HOMER1: variants seen among roughly 807,000 people sequenced by gnomAD.
HOMER1 encodes the protein homer protein homolog 1.
A neutral mutation model predicts 48.9 loss-of-function variants in HOMER1; 3 were observed. The observed-to-expected ratio is 0.06, with a 90% CI of 0.03 to 0.16. The LOEUF (loss-of-function observed/expected upper bound fraction) is 0.16. HOMER1 is among the 10% of genes least tolerant of loss of function. The pLI is 1.00. For missense variants in HOMER1, 247 were observed against 411.4 expected, an observed-to-expected ratio of 0.60 and a Z score of 3.46; for synonymous variants, 134 against 146.4, an observed-to-expected ratio of 0.92 and a Z score of 0.61.
chr5:79,498,785 C>T (rs1020324264), intron 1 of HOMER1, among the ~76,000 whole-genome samples: 3 of 151,126 alleles, frequency 2.0e-5, no homozygotes, highest in African/African-American at 7.3e-5. Flanking sequence ...CGGGATGATT[C>T]AGAAATTGTA....
In HOMER1 at chr5:79,456,927, T is replaced by C. The variant is rs369841835; in HGVS notation, c.97A>G (p.Thr33Ala). The change falls in exon 2 of 9, where the codon ACT becomes GCT. Residue 33 changes from threonine to alanine, a missense_variant. By Grantham distance (58) the Thr-to-Ala change is moderately conservative. Coordinates refer to ENST00000334082, the MANE Select transcript of HOMER1 (RefSeq NM_004272.5). ...GTGCTGTCATAGAAATAAGACACAG[T>C]AACTGCATGCTTGCTGGTGGGTACC... ...NWVPTSKHAV[T>A]VSYFYDSTRN... 3 of 1,613,774 alleles carry C rather than the reference T, an allele frequency of 1.9e-6. No homozygotes were observed. The highest frequency in any genetic ancestry group is 2.5e-6 in the Non-Finnish European group (3 of 1,179,778).
chr5:79,386,954 TCTTC>T (rs1253993122), intron 8 of HOMER1, among the ~76,000 whole-genome samples: 27 of 112,394 alleles, frequency 2.4e-4, no homozygotes, highest in Admixed American at 5.6e-4. Context: ...TCCTTTCCTT[TCTTC>T]CTTCCCTTCC....
At chr5:79,434,650 C>G (rs10942888) in intron 5 of HOMER1, among the ~76,000 whole-genome samples, 38,659 of 151,986 alleles carry the variant, frequency 0.25, 6,041 homozygotes, top group East Asian at 0.75. Context: ...CTCATGATCT[C>G]CCTTTTTTAC....
chr5:79,510,920 G>A (rs1720383265), intron 1 of HOMER1: 1 of 622,140 alleles, frequency 1.6e-6, no homozygotes, highest in African/African-American at 1.8e-5. Flanking sequence ...GCCAACGTGA[G>A]GACAGGACTG....
At chr5:79,432,497 C>T (rs1230028143) in intron 5 of HOMER1, among the ~76,000 whole-genome samples, 2 of 152,070 alleles carry the variant, frequency 1.3e-5, no homozygotes, top group Non-Finnish European at 2.9e-5. Flanking sequence ...GGTCTAATCG[C>T]CATTGGAGGT....
intron 1 of HOMER1, among the ~76,000 whole-genome samples, chr5:79,493,665 C>T (rs552755964): frequency 6.6e-6 from 1 of 152,318 alleles, no homozygotes; most frequent in South Asian, 2.1e-4. Context: ...AAGGTTAACT[C>T]CTCCATCTGT....
At chr5:79,402,171 T>TC (rs1749550711) in intron 5 of HOMER1, 116 bp from the exon 6 acceptor site, 1 of 763,236 alleles carries the variant, frequency 1.3e-6, no homozygotes, top group Non-Finnish European at 1.9e-6. Flanking sequence ...TTCTTTTCTT[T>TC]TTTTTTTTTT....
intron 5 of HOMER1, among the ~76,000 whole-genome samples, chr5:79,422,640 A>G (rs1750133338): frequency 1.3e-5 from 2 of 152,022 alleles, no homozygotes; most frequent in African/African-American, 4.8e-5. Context: ...CAGTAGAGAT[A>G]AAACTATAAA....
At chr5:79,501,941 A>C (rs1752603974) in intron 1 of HOMER1, among the ~76,000 whole-genome samples, 2 of 152,346 alleles carry the variant, frequency 1.3e-5, no homozygotes, top group South Asian at 2.1e-4. Flanking sequence ...GAAAAGAATA[A>C]GATAAAATTT....
chr5:79,392,299 C>G (rs1180844182), intron 8 of HOMER1, among the ~76,000 whole-genome samples: 1 of 152,096 alleles, frequency 6.6e-6, no homozygotes, highest in Non-Finnish European at 1.5e-5. Flanking sequence ...GATGACAGCT[C>G]CATGCCTGTT....
chr5:79,511,063 T>C (rs1229749379), intron 1 of HOMER1: 3 of 280,408 alleles, frequency 1.1e-5, no homozygotes, highest in South Asian at 1.1e-4. Context: ...ATGACAGGCA[T>C]TCATGCAGCT....
At chr5:79,509,745 G>A (rs1358641861) in intron 1 of HOMER1, among the ~76,000 whole-genome samples, 2 of 152,022 alleles carry the variant, frequency 1.3e-5, no homozygotes, top group African/African-American at 4.8e-5. Flanking sequence ...CTACTATTAG[G>A]GGAGCCATAA....
At chr5:79,433,626 T>C (rs1750485166) in intron 5 of HOMER1, among the ~76,000 whole-genome samples, 1 of 152,208 alleles carries the variant, frequency 6.6e-6, no homozygotes, top group Non-Finnish European at 1.5e-5. Flanking sequence ...AGTTTGCATT[T>C]ATTCTGTTAA....
At chr5:79,456,752 T>A in intron 2 of HOMER1, 110 bp downstream of exon 2, 3 of 987,062 alleles carry the variant, frequency 3.0e-6, no homozygotes, top group Non-Finnish European at 4.4e-6. Context: ...TTTTAAGAAC[T>A]CAAAAGGAAA....
At chr5:79,437,348 T>C (rs1580450970) in intron 5 of HOMER1, among the ~76,000 whole-genome samples, 1 of 152,338 alleles carries the variant, frequency 6.6e-6, no homozygotes, top group East Asian at 1.9e-4. Context: ...TATAGTTTAA[T>C]AGGAAGAAAA....
intron 5 of HOMER1, among the ~76,000 whole-genome samples, chr5:79,408,928 A>G (rs1356602351): frequency 6.6e-5 from 10 of 151,618 alleles, no homozygotes; most frequent in African/African-American, 2.2e-4. Flanking sequence ...CTAAAAATAC[A>G]AAAATTAGCT....
intron 1 of HOMER1, among the ~76,000 whole-genome samples, chr5:79,478,468 T>G: frequency 7.0e-6 from 1 of 143,332 alleles, no homozygotes; most frequent in Middle Eastern, 4.0e-3. Flanking sequence ...GCGGGCGGAT[T>G]GCCTGAGCTC....
intron 7 of HOMER1, 68 bp from the exon 8 acceptor site, chr5:79,396,971 CT>C (rs1278749162): frequency 1.2e-6 from 1 of 825,118 alleles, no homozygotes; most frequent in Non-Finnish European, 2.0e-6. Flanking sequence ...TTGTTTTTCC[CT>C]GAAATTATTG....
At chr5:79,480,113 C>A (rs1017732441) in intron 1 of HOMER1, among the ~76,000 whole-genome samples, 2 of 151,034 alleles carry the variant, frequency 1.3e-5, no homozygotes, top group East Asian at 3.9e-4. Flanking sequence ...AACACTGTTT[C>A]AGAAGTAAAA....
Sources: allele counts gnomAD v4.1 joint callset (sites outside exome capture counted in the v4.1 genomes callset), GRCh38; gene constraint gnomAD v4.1.1; transcripts MANE v1.5; gene names NCBI Gene and HGNC (gene_info 2026-07-23, HGNC 2026-07-21).